The following LRIT1 variants were observed in gnomAD, a reference collection of about 807,000 sequenced individuals.
The protein encoded by LRIT1 is leucine rich repeat, Ig-like and transmembrane domains 1.
A neutral mutation model predicts 24.0 loss-of-function variants in LRIT1; 23 were observed. That is an observed-to-expected ratio of 0.96 (90% CI 0.69 to 1.36). The LOEUF is 1.36. LRIT1 is among the 40% of genes most tolerant of loss of function. The pLI is 0.00. For synonymous variants in LRIT1, 361 were observed against 340.5 expected (o/e 1.06, Z -0.66); for missense variants, 846 against 806.3 (o/e 1.05, Z -0.60).
rs1313346258 is a variant in LRIT1 at position 84,232,493 on chromosome 10, C to T, written c.1306G>A (p.Val436Met). ...SEARMVRSVK[V>M]VGDTYHSVSL... Reference sequence around the variant, plus strand: ...ACGCTGTGGTAAGTGTCCCCCACCACCTTCACAGACCTCACCATTCGTGCC... The same window carrying T: ...ACGCTGTGGTAAGTGTCCCCCACCATCTTCACAGACCTCACCATTCGTGCC... Residue 436 changes from valine (V) to methionine (M), a missense_variant, in exon 4 of 4, where the codon GTG becomes ATG. Val to Met is a conservative substitution (Grantham distance 21). Transcript: ENST00000372105. 2 of 1,614,190 alleles carry T rather than the reference C, an allele frequency of 1.2e-6. No homozygotes were observed. Among genetic ancestry groups the T allele is most frequent in the Non-Finnish European group, 1.7e-6 (2 of 1,180,034 alleles).
At chr10:84,239,073 A>C (rs1329680647) in intron 1 of LRIT1, among the ~76,000 whole-genome samples, 1 of 152,196 alleles carries the variant, frequency 6.6e-6, no homozygotes, top group East Asian at 1.9e-4. Flanking sequence ...TGCTCCACTT[A>C]AAGGCAGCTG....
At chr10:84,238,017 C>T (rs547881120) in intron 1 of LRIT1, among the ~76,000 whole-genome samples, 10 of 152,298 alleles carry the variant, frequency 6.6e-5, no homozygotes, top group African/African-American at 2.4e-4. Flanking sequence ...TTAATAAACC[C>T]CATGATCGCG....
At chr10:84,235,473 A>T (rs960544539) in intron 2 of LRIT1, among the ~76,000 whole-genome samples, 1 of 152,250 alleles carries the variant, frequency 6.6e-6, no homozygotes, top group Admixed American at 6.5e-5. Context: ...GAATGAATGT[A>T]AAAGGCAAAG....
chr10:84,233,348 T>TATA (rs1564543275), intron 3 of LRIT1, among the ~76,000 whole-genome samples: 2 of 132,208 alleles, frequency 1.5e-5, no homozygotes, highest in African/African-American at 2.6e-5. Context: ...ATATATATAT[T>TATA]TTTTTTTGCG....
chr10:84,232,226 G>C lies in LRIT1; in HGVS notation c.1573C>G (p.Gln525Glu). The part of the protein sequence containing the change: ...TNEVVDAENT[Q>E]QLINVVVISV... ...ATCACCACCACATTGATAAGCTGCT[G>C]AGTGTTCTCAGCATCCACCACTTCA... The change falls in exon 4 of 4, where the codon CAG becomes GAG. Residue 525 changes from glutamine (Q) to glutamate (E), a missense_variant. Gln to Glu is a conservative substitution (Grantham distance 29). Coordinates refer to ENST00000372105, the MANE Select transcript of LRIT1 (RefSeq NM_015613.3). The C allele has an allele frequency of 1.2e-6, 2 of 1,614,202 alleles. No homozygotes were observed. The highest frequency in any genetic ancestry group is 1.7e-6 in the Non-Finnish European group (2 of 1,180,030).
rs1373741455 is a variant in LRIT1, at chr10:84,232,854, C to T, written c.945G>A (p.Leu315=). Residue 315 remains leucine (L), a synonymous_variant, in exon 4 of 4, where the codon CTG becomes CTA. Coordinates refer to ENST00000372105, the MANE Select transcript of LRIT1 (RefSeq NM_015613.3). ...SDGTSWTLLG[L]PAVSHLDSGD... ...CGGAGTCAAGGTGGGACACTGCAGG[C>T]AGGCCCAGCAGAGTCCAGCTCGTGC... 8 of 1,612,986 alleles carry T rather than the reference C, an allele frequency of 5.0e-6. No homozygotes were observed. The highest frequency in any genetic ancestry group is 6.8e-6 in the Non-Finnish European group (8 of 1,180,014).
At chr10:84,233,804 C>T (rs1474694606) in intron 3 of LRIT1, among the ~76,000 whole-genome samples, 4 of 152,184 alleles carry the variant, frequency 2.6e-5, no homozygotes, top group Non-Finnish European at 5.9e-5. Flanking sequence ...AAAAAGTCAG[C>T]TTTTTGTTCT....
chr10:84,241,224 T>A (rs1438248691), intron 1 of LRIT1, 94 bp downstream of exon 1: 1 of 1,577,972 alleles, frequency 6.3e-7, no homozygotes, highest in East Asian at 2.2e-5. Context: ...GATGAAGACC[T>A]CACCCAGGGC....
In LRIT1 at chr10:84,231,786, A is replaced by AGCT. The variant is rs1842598165; in HGVS notation, c.*138_*140dup. On this transcript the variant is annotated 3_prime_UTR_variant, in exon 4 of 4. Transcript: ENST00000372105. Reference sequence around the variant, plus strand: ...AAGTGTTAGCGGTTGTTGCAGTAGCAGCTGCTGCTGCTGTTGTTGTGTGTA... The same window carrying AGCT: ...AAGTGTTAGCGGTTGTTGCAGTAGCAGCTGCTGCTGCTGCTGTTGTTGTGTGTA... The AGCT allele has an allele frequency of 6.9e-6, 6 of 868,004 alleles. No individual in the cohort carries two copies. The South Asian group carries it at 7.2e-5, about 10-fold the overall frequency. The allele number at this position is 868,004 out of a possible 1,614,324, so 53.8% of individuals were successfully genotyped here.
Position 84,237,521 on chromosome 10 carries a change from G to T in LRIT1, c.288C>A (p.Ser96Arg). The T allele has an allele frequency of 1.2e-6, 2 of 1,603,966 alleles. No individual in the cohort carries two copies. Among genetic ancestry groups the T allele is most frequent in the Non-Finnish European group, 1.7e-6 (2 of 1,178,864 alleles). The change falls in exon 2 of 4, where the codon AGC becomes AGA. Residue 96 changes from serine to arginine, a missense_variant. Coordinates refer to ENST00000372105, the MANE Select transcript of LRIT1 (RefSeq NM_015613.3). ...CCCGCAGCATGAGGGCGTTGAGCTC[G>T]CTGAGGGCGTTGTAAGGCAGCCACA... ...EQLWLPYNAL[S>R]ELNALMLRGL...
chr10:84,237,454 G>C lies in LRIT1; in HGVS notation c.355C>G (p.Leu119Val). 6.4e-7 allele frequency: 1 copy of C among 1,561,616 alleles called. No homozygotes were observed. The highest frequency in any genetic ancestry group is 8.6e-7 in the Non-Finnish European group (1 of 1,157,200). The part of the protein sequence containing the change: ...LRELRLPGNR[L>V]AAFPWAALRD... ...AGCGCCGCCCAGGGGAAGGCGGCCA[G>C]GCGGTTCCCGGGCAGCCGCAGCTCC... The change falls in exon 2 of 4, where the codon CTG becomes GTG. Residue 119 changes from leucine to valine, a missense_variant. Physicochemically the swap from Leu to Val is conservative, Grantham distance 32. Transcript: ENST00000372105.
rs775095460 is a variant in LRIT1, at chr10:84,241,313, C to T, written c.122+5G>A. The T allele has an allele frequency of 1.1e-5, 17 of 1,613,760 alleles. No individual in the cohort carries two copies. Among genetic ancestry groups the T allele is most frequent in the Admixed American group, 1.7e-5 (1 of 59,982 alleles). On this transcript the variant is annotated splice_donor_5th_base_variant and intron_variant, in intron 1 of 3. Coordinates refer to ENST00000372105, the MANE Select transcript of LRIT1 (RefSeq NM_015613.3). ...GCTGCCCGTCCCACGCACCCGGTAC[C>T]ATACCTGGCCTTGCTGCCATCACCC...
At chr10:84,237,720 A>T (rs1298201955) in intron 1 of LRIT1, 34 bp from the exon 2 acceptor site, 1 of 1,519,306 alleles carries the variant, frequency 6.6e-7, no homozygotes, top group Non-Finnish European at 8.9e-7. Flanking sequence ...TTGAGCAAGG[A>T]TCCTGCCGGG....
rs1161956464 is a variant in LRIT1, at chr10:84,237,264, T to A, written c.545A>T (p.Glu182Val). 6.4e-7 allele frequency: 1 copy of A among 1,550,784 alleles called. No individual in the cohort carries two copies. Among genetic ancestry groups the A allele is most frequent in the Non-Finnish European group, 8.7e-7 (1 of 1,146,962 alleles). Residue 182 changes from glutamate (E) to valine (V), a missense_variant, in exon 2 of 4, where the codon GAG (glutamate) becomes GTG (valine). Coordinates refer to ENST00000372105, the MANE Select transcript of LRIT1 (RefSeq NM_015613.3). The stretch of plus-strand genomic sequence containing the variant: ...GTGGCCGGGAGGAAAGATACCGGTC[T>A]CCAGGTGAGCCCAGGAGACGATGAG... ...QELIVSWAHL[E>V]TGIFPPGHHP... is the part of the protein sequence containing the mutation.
rs1465983053 is a variant in LRIT1 at position 84,231,803 on chromosome 10, T to C, written c.*124A>G. 4 of 1,036,046 alleles carry C rather than the reference T, an allele frequency of 3.9e-6. No homozygotes were observed. The highest frequency in any genetic ancestry group is 5.5e-6 in the Non-Finnish European group (4 of 727,130). The allele number at this position is 1,036,046 out of a possible 1,614,324, so 64.2% of individuals were successfully genotyped here. On this transcript the variant is annotated 3_prime_UTR_variant, in exon 4 of 4. Coordinates refer to ENST00000372105, the MANE Select transcript of LRIT1 (RefSeq NM_015613.3). ...GCAGTAGCAGCTGCTGCTGCTGTTG[T>C]TGTGTGTAAGTATCTGAGTAAGCAG... is the stretch of plus-strand genomic sequence containing the variant.
intron 1 of LRIT1, among the ~76,000 whole-genome samples, chr10:84,240,964 A>G (rs1842686434): frequency 6.6e-6 from 1 of 152,014 alleles, no homozygotes; most frequent in Admixed American, 6.5e-5. Flanking sequence ...AGAAGAGGGA[A>G]TAGAAAAAAT....
chr10:84,238,664 T>C (rs990096873), intron 1 of LRIT1, among the ~76,000 whole-genome samples: 2 of 152,124 alleles, frequency 1.3e-5, no homozygotes, highest in African/African-American at 4.8e-5. Context: ...TTAAATGAGG[T>C]AATGCATGTG....
rs1842603000 is a variant in LRIT1 at position 84,232,081 on chromosome 10, T to C, written c.1718A>G (p.Asn573Ser). 6.2e-7 allele frequency: 1 copy of C among 1,614,118 alleles called. No individual in the cohort carries two copies. Among genetic ancestry groups the C allele is most frequent in the East Asian group, 2.2e-5 (1 of 44,876 alleles). The change falls in exon 4 of 4, where the codon AAC becomes AGC. Residue 573 changes from asparagine to serine, a missense_variant. By Grantham distance (46) the Asn-to-Ser change is conservative. Transcript: ENST00000372105. Reference protein sequence around the residue: ...DSTEATVTYVNLERLGYSEDG... With the variant: ...DSTEATVTYVSLERLGYSEDG... ...CTCGCTGTAGCCCAGTCTCTCTAGGTTGACGTAGGTAACTGTGGCCTCAGT... is the reference window on the plus strand; with the variant it reads ...CTCGCTGTAGCCCAGTCTCTCTAGGCTGACGTAGGTAACTGTGGCCTCAGT...
chr10:84,236,235 G>A (rs950860795), intron 2 of LRIT1, among the ~76,000 whole-genome samples: 2 of 151,856 alleles, frequency 1.3e-5, no homozygotes, highest in South Asian at 4.2e-4. Context: ...GGCAGAGCTT[G>A]CAGTGAGCCG....
Sources: allele counts gnomAD v4.1 joint callset (sites outside exome capture counted in the v4.1 genomes callset), GRCh38; gene constraint gnomAD v4.1.1; transcripts MANE v1.5; gene names NCBI Gene and HGNC (gene_info 2026-07-23, HGNC 2026-07-21).